Variants in ZNF727 observed in about 807,000 individuals in gnomAD.
ZNF727 encodes putative zinc finger protein 727.
A neutral mutation model predicts 11.5 loss-of-function variants in ZNF727; 11 were observed. The observed-to-expected ratio is 0.95, with a 90% confidence interval of 0.60 to 1.58. The LOEUF is 1.58. ZNF727 is among the 40% of genes most tolerant of loss of function. The pLI, the probability that ZNF727 is intolerant of heterozygous loss-of-function variation, is 0.00. For synonymous variants in ZNF727, 171 were observed against 196.1 expected (o/e 0.87, Z 1.07); for missense variants, 533 against 581.7 (o/e 0.92, Z 0.86).
chr7:64,059,124 T>A (rs1213257852), intron 1 of ZNF727, among the ~76,000 whole-genome samples: 1 of 152,118 alleles, frequency 6.6e-6, no homozygotes, highest in African/African-American at 2.4e-5. Context: ...TTTGTATTTT[T>A]AATAGAGACG....
At chr7:64,046,981 T>G (rs922751473) in intron 1 of ZNF727, among the ~76,000 whole-genome samples, 3 of 151,378 alleles carry the variant, frequency 2.0e-5, no homozygotes, top group Admixed American at 1.3e-4. Context: ...GTTTTGTGTT[T>G]TTTTTTTTTT....
In ZNF727 at chr7:64,084,027, A is replaced by G. The variant is rs538942739; in HGVS notation, c.*5478A>G. Among the ~76,000 whole-genome samples, 145 of 152,328 alleles carry G rather than the reference A, an allele frequency of 9.5e-4. No individual in the cohort carries two copies. Among genetic ancestry groups the G allele is most frequent in the African/African-American group, 3.2e-3 (132 of 41,582 alleles). On this transcript the variant is annotated 3_prime_UTR_variant, in exon 4 of 4. Transcript: ENST00000456806. ...GAATTTATGTGAAAGAACATGGTCA[A>G]TGGTTGCTGCACCAGAGTTAGGAGA...
chr7:64,076,809 T>A (rs1371168401), intron 3 of ZNF727, among the ~76,000 whole-genome samples: 1 of 152,202 alleles, frequency 6.6e-6, no homozygotes, highest in Non-Finnish European at 1.5e-5. Context: ...GAAGTGTCTC[T>A]GCTGTCTGAA....
At chr7:64,059,712 A>T (rs1362177867) in intron 1 of ZNF727, among the ~76,000 whole-genome samples, 2 of 152,210 alleles carry the variant, frequency 1.3e-5, no homozygotes, top group African/African-American at 4.8e-5. Context: ...CATGAGTTCA[A>T]GGTCATGGCC....
chr7:64,066,518 C>A (rs1484190041), intron 1 of ZNF727, among the ~76,000 whole-genome samples: 1 of 152,126 alleles, frequency 6.6e-6, no homozygotes, highest in Non-Finnish European at 1.5e-5. Flanking sequence ...GCCATCTGAT[C>A]TTCGATAAAC....
Position 64,045,635 on chromosome 7 carries a change from G to T in ZNF727, c.3+11G>T, listed in dbSNP as rs1477341874. On this transcript the variant is annotated intron_variant, in intron 1 of 3. Coordinates refer to ENST00000456806, the MANE Select transcript of ZNF727 (RefSeq NM_001159522.3). ...GGAGGCTGGGAAATGGTGAGTGCGCGGAGTGGGTGTCCCGAGAAGGGGGAA... is the reference window on the plus strand; with the variant it reads ...GGAGGCTGGGAAATGGTGAGTGCGCTGAGTGGGTGTCCCGAGAAGGGGGAA... The T allele has an allele frequency of 1.9e-6, 3 of 1,559,460 alleles. No homozygotes were observed. The highest frequency in any genetic ancestry group is 1.2e-5 in the South Asian group (1 of 84,550).
rs745752319 is a variant in ZNF727 at position 64,078,079 on chromosome 7, G to T, written c.1030G>T (p.Glu344Ter). 5 of 1,611,716 alleles carry T rather than the reference G, an allele frequency of 3.1e-6. No homozygotes were observed. Among genetic ancestry groups the T allele is most frequent in the Non-Finnish European group, 4.2e-6 (5 of 1,178,868 alleles). The change falls in exon 4 of 4, where the codon GAA (glutamate) becomes TAA (stop). Residue 344 changes from glutamate (E) to a stop codon, truncating the protein, a stop_gained. Transcript: ENST00000456806. LOFTEE classifies it low-confidence loss of function (END_TRUNC). ...HTGEKPYICEECGKAFTYSST... is the reference protein window; with the variant it reads ...HTGEKPYICE ...TGGAGAGAAACCCTACATTTGTGAA[G>T]AATGTGGCAAAGCCTTTACCTACTC... is the stretch of plus-strand genomic sequence containing the variant.
intron 1 of ZNF727, among the ~76,000 whole-genome samples, chr7:64,065,849 C>T (rs1478332370): frequency 1.3e-5 from 2 of 152,054 alleles, no homozygotes; most frequent in East Asian, 1.9e-4. Flanking sequence ...TTTAATAAGC[C>T]GTGAAAAAAT....
chr7:64,051,398 T>A (rs900212582), intron 1 of ZNF727, among the ~76,000 whole-genome samples: 2 of 152,156 alleles, frequency 1.3e-5, no homozygotes, highest in Admixed American at 1.3e-4. Flanking sequence ...TCTCAGCTTC[T>A]CAGCTTACCA....
intron 2 of ZNF727, among the ~76,000 whole-genome samples, chr7:64,069,292 C>A (rs920899006): frequency 6.6e-6 from 1 of 151,926 alleles, no homozygotes; most frequent in African/African-American, 2.4e-5. Context: ...CCTAAAAATG[C>A]AATTTTCACA....
Position 64,078,369 on chromosome 7 carries a change from TA to T in ZNF727, c.1322del (p.Asn441IlefsTer49). 1 of 1,586,440 alleles carries T rather than the reference TA, an allele frequency of 6.3e-7. No individual in the cohort carries two copies. The highest frequency in any genetic ancestry group is 8.6e-7 in the Non-Finnish European group (1 of 1,165,936). On this transcript the variant is annotated frameshift_variant, in exon 4 of 4. Transcript: ENST00000456806. LOFTEE classifies it low-confidence loss of function (END_TRUNC). The part of the protein sequence containing the change: ...KTFKWFPDLT[N>X]HKRIHTGEKP... The stretch of plus-strand genomic sequence containing the variant: ...CCTTTAAGTGGTTCCCAGACCTGAC[TA>T]ATCATAAGAGAATTCACACTGGAGA...
Position 64,045,469 on chromosome 7 carries a change from C to A in ZNF727, c.-153C>A. On this transcript the variant is annotated 5_prime_UTR_variant, in exon 1 of 4. Transcript: ENST00000456806. The stretch of plus-strand genomic sequence containing the variant: ...ATATGGCAAGGCCTTCGTCTCCTAG[C>A]TTCTAGGCTCTGAGTCCAGTACCCG... The A allele has an allele frequency of 1.8e-6, 2 of 1,096,588 alleles. No homozygotes were observed. The highest frequency in any genetic ancestry group is 2.7e-6 in the Non-Finnish European group (2 of 734,458). 67.9% of individuals were successfully genotyped at this position (1,096,588 alleles called of 1,614,324 possible).
chr7:64,084,449 T>C lies in ZNF727; in HGVS notation c.*5900T>C, dbSNP rs551414510. Reference sequence around the variant, plus strand: ...ACTTATCCCATCTTACCCAAGGTTGTAGGTCAACAGATGGTAACAATATAC... The same window carrying C: ...ACTTATCCCATCTTACCCAAGGTTGCAGGTCAACAGATGGTAACAATATAC... On this transcript the variant is annotated 3_prime_UTR_variant, in exon 4 of 4. Transcript: ENST00000456806. Among the ~76,000 whole-genome samples, 20 of 152,314 alleles carry C rather than the reference T, an allele frequency of 1.3e-4. No homozygotes were observed. The East Asian group carries it at 3.9e-3, about 29-fold the overall frequency.
chr7:64,079,792 T>TTTA lies in ZNF727; in HGVS notation c.*1243_*1244insTTA, dbSNP rs1785754150. ...TACTTTAGTGTGTTTTTGTAGTGAC[T>TTTA]GTTTATAGTCTTTTTCTTATTTAGG... On this transcript the variant is annotated 3_prime_UTR_variant, in exon 4 of 4. Coordinates refer to ENST00000456806, the MANE Select transcript of ZNF727 (RefSeq NM_001159522.3). Among the ~76,000 whole-genome samples, 2 of 152,224 alleles carry TTTA rather than the reference T, an allele frequency of 1.3e-5. No homozygotes were observed. The highest frequency in any genetic ancestry group is 4.8e-5 in the African/African-American group (2 of 41,470).
At position 64,079,531 on chromosome 7, in the gene ZNF727, T is replaced by C. The variant is rs1044881598; in HGVS notation, c.*982T>C. ...ATCCTTGCTTTTTTACTGTTTTCTA[T>C]TTGCTTGGTAGACTTTTCCCTTTAT... On this transcript the variant is annotated 3_prime_UTR_variant, in exon 4 of 4. Coordinates refer to ENST00000456806, the MANE Select transcript of ZNF727 (RefSeq NM_001159522.3). Among the ~76,000 whole-genome samples, 1 of 152,222 alleles carries C rather than the reference T, an allele frequency of 6.6e-6. No individual in the cohort carries two copies. Among genetic ancestry groups the C allele is most frequent in the Non-Finnish European group, 1.5e-5 (1 of 68,030 alleles).
chr7:64,078,272 C>T lies in ZNF727; in HGVS notation c.1223C>T (p.Ser408Phe), dbSNP rs530096457. 3.8e-6 allele frequency: 6 copies of T among 1,598,788 alleles called. No individual in the cohort carries two copies. The highest frequency in any genetic ancestry group is 5.1e-6 in the Non-Finnish European group (6 of 1,172,582). Residue 408 changes from serine to phenylalanine, a missense_variant, in exon 4 of 4, where the codon TCC (serine) becomes TTC (phenylalanine). Physicochemically the swap from Ser to Phe is radical, Grantham distance 155. Coordinates refer to ENST00000456806, the MANE Select transcript of ZNF727 (RefSeq NM_001159522.3). Reference protein sequence around the residue: ...CEECGKSFTCSSNLIKHKRIH... With the variant: ...CEECGKSFTCFSNLIKHKRIH... ...GAATGTGGCAAAAGCTTTACCTGCT[C>T]CTCAAACCTTATTAAACACAAGAGA...
chr7:64,049,558 A>C (rs1372748149), intron 1 of ZNF727, among the ~76,000 whole-genome samples: 2 of 151,990 alleles, frequency 1.3e-5, no homozygotes, highest in Admixed American at 6.6e-5. Context: ...CTGAGAAGTA[A>C]GCAATTTTAA....
At chr7:64,070,877 T>C (rs1287553148) in intron 3 of ZNF727, among the ~76,000 whole-genome samples, 1 of 152,092 alleles carries the variant, frequency 6.6e-6, no homozygotes, top group Non-Finnish European at 1.5e-5. Flanking sequence ...ACAGTATTTG[T>C]CTTTCTGTTT....
At chr7:64,065,718 T>C (rs1272027149) in intron 1 of ZNF727, among the ~76,000 whole-genome samples, 1 of 152,106 alleles carries the variant, frequency 6.6e-6, no homozygotes, top group Non-Finnish European at 1.5e-5. Context: ...CCACTTGTGA[T>C]GTTCTTGCCT....
Sources: allele counts gnomAD v4.1 joint callset (sites outside exome capture counted in the v4.1 genomes callset), GRCh38; gene constraint gnomAD v4.1.1; transcripts MANE v1.5; gene names NCBI Gene and HGNC (gene_info 2026-07-23, HGNC 2026-07-21).